Variants in GRIN3A observed in about 807,000 individuals in gnomAD.
The protein encoded by GRIN3A is glutamate ionotropic receptor NMDA type subunit 3A.
GRIN3A carries 47 observed loss-of-function variants against 92.4 expected under a neutral mutation model. That is an observed-to-expected ratio of 0.51 (90% CI 0.40 to 0.65). GRIN3A has a LOEUF of 0.65. Among genes scored for constraint, GRIN3A ranks in the 30% least tolerant of loss-of-function variants. GRIN3A has a pLI of 0.00. For missense variants in GRIN3A, 1,324 were observed against 1,393.1 expected (o/e 0.95, Z 0.79); for synonymous variants, 527 against 540.6 (o/e 0.97, Z 0.35).
In GRIN3A at chr9:101,735,163, T is replaced by A. The variant is rs201217290; in HGVS notation, c.699+2118A>T. Among the ~76,000 whole-genome samples, 5 of 47,552 alleles carry A rather than the reference T, an allele frequency of 1.1e-4. 1 individual carries two copies. Among genetic ancestry groups the A allele is most frequent in the South Asian group, 1.4e-3 (2 of 1,392 alleles). 31.2% of individuals were successfully genotyped at this position (47,552 alleles called of 152,430 possible). Reference sequence around the variant, plus strand: ...TGACATTTAAATGAGATACCAAAAGTAAGACAAATTAGATATGTTTGAATT... The same window carrying A: ...TGACATTTAAATGAGATACCAAAAGAAAGACAAATTAGATATGTTTGAATT... On this transcript the variant is annotated intron_variant, in intron 1 of 8. Coordinates refer to ENST00000361820, the MANE Select transcript of GRIN3A (RefSeq NM_133445.3).
chr9:101,573,566 GCTGTCTT>G (rs1827788790), intron 8 of GRIN3A, 53 bp from the exon 9 acceptor site: 1 of 1,391,336 alleles, frequency 7.2e-7, no homozygotes, highest in Admixed American at 1.7e-5. Flanking sequence ...CTCTCAAGGT[GCTGTCTT>G]CATCTGTTAG....
chr9:101,703,734 G>A (rs893722393), intron 1 of GRIN3A, among the ~76,000 whole-genome samples: 2 of 152,078 alleles, frequency 1.3e-5, no homozygotes, highest in South Asian at 2.1e-4. Flanking sequence ...GATTGATAAC[G>A]CATTTCTCAG....
intron 6 of GRIN3A, among the ~76,000 whole-genome samples, chr9:101,605,354 A>C (rs1261905325): frequency 1.3e-5 from 2 of 152,236 alleles, no homozygotes; most frequent in Admixed American, 6.5e-5. Flanking sequence ...GAAACATAAA[A>C]TATCTCAGTT....
At chr9:101,645,575 T>C (rs1243246482) in intron 3 of GRIN3A, among the ~76,000 whole-genome samples, 2 of 151,574 alleles carry the variant, frequency 1.3e-5, no homozygotes, top group Non-Finnish European at 3.0e-5. Flanking sequence ...GATCTACTCC[T>C]AGTTTTTTGA....
At chr9:101,661,494 T>C (rs1181700686) in intron 3 of GRIN3A, among the ~76,000 whole-genome samples, 2 of 151,870 alleles carry the variant, frequency 1.3e-5, no homozygotes, top group African/African-American at 4.8e-5. Flanking sequence ...TGGTTTTGTA[T>C]CCTGACTTTT....
intron 5 of GRIN3A, among the ~76,000 whole-genome samples, chr9:101,618,410 A>T (rs1828498494): frequency 6.6e-6 from 1 of 152,096 alleles, no homozygotes; most frequent in Admixed American, 6.5e-5. Context: ...ACTTCTGAAA[A>T]GAAGACATTT....
chr9:101,610,913 A>G (rs1319107155), intron 6 of GRIN3A, among the ~76,000 whole-genome samples: 2 of 152,028 alleles, frequency 1.3e-5, no homozygotes, highest in African/African-American at 2.4e-5. Context: ...CCTGGCTAAC[A>G]TGGTTAAACC....
intron 1 of GRIN3A, among the ~76,000 whole-genome samples, chr9:101,731,975 A>G (rs1830144065): frequency 6.6e-6 from 1 of 152,182 alleles, no homozygotes; most frequent in Admixed American, 6.5e-5. Context: ...AGTTTTATGG[A>G]TTTGGCATCA....
rs140897878 is a variant in GRIN3A at position 101,654,200 on chromosome 9, T to A, written c.2352+15860A>T. Among the ~76,000 whole-genome samples, 985 of 151,824 alleles carry A rather than the reference T, an allele frequency of 6.5e-3. 12 individuals carry two copies. Among genetic ancestry groups the A allele is most frequent in the African/African-American group, 0.022 (913 of 41,522 alleles). ...AGTCTTTGAATCTTAAGTTTTTTTT[T>A]CTTGTGACTGAAGAGGAGGCATTTT... is the stretch of plus-strand genomic sequence containing the variant. On this transcript the variant is annotated intron_variant, in intron 3 of 8. Transcript: ENST00000361820.
chr9:101,630,285 T>C (rs1279739928), intron 3 of GRIN3A, among the ~76,000 whole-genome samples: 1 of 152,204 alleles, frequency 6.6e-6, no homozygotes, highest in Non-Finnish European at 1.5e-5. Context: ...GTGAAGCCTT[T>C]GGTCTTGTCT....
intron 6 of GRIN3A, among the ~76,000 whole-genome samples, chr9:101,581,992 G>A (rs1441453032): frequency 2.6e-5 from 4 of 152,186 alleles, no homozygotes; most frequent in African/African-American, 9.7e-5. Context: ...CAACAAAGAA[G>A]TTCAATAACT....
chr9:101,619,412 A>G (rs996516366), intron 5 of GRIN3A, among the ~76,000 whole-genome samples: 4 of 152,176 alleles, frequency 2.6e-5, no homozygotes, highest in Non-Finnish European at 5.9e-5. Context: ...GAAGAATTTT[A>G]CAGTTAATTG....
At chr9:101,614,882 G>T (rs1828421974) in intron 5 of GRIN3A, among the ~76,000 whole-genome samples, 1 of 151,816 alleles carries the variant, frequency 6.6e-6, no homozygotes, top group Admixed American at 6.6e-5. Context: ...GCCTCTCAAA[G>T]TGATGGGATT....
At chr9:101,610,036 G>C (rs900518737) in intron 6 of GRIN3A, among the ~76,000 whole-genome samples, 3 of 152,154 alleles carry the variant, frequency 2.0e-5, no homozygotes, top group Non-Finnish European at 2.9e-5. Context: ...TGAAGATGTT[G>C]ACTTGAGTCA....
chr9:101,703,532 G>T (rs1387250473), intron 1 of GRIN3A, among the ~76,000 whole-genome samples: 1 of 152,072 alleles, frequency 6.6e-6, no homozygotes, highest in Non-Finnish European at 1.5e-5. Context: ...ATCTTACTTA[G>T]TTCTTCATGA....
intron 2 of GRIN3A, among the ~76,000 whole-genome samples, chr9:101,675,627 G>A (rs992817356): frequency 4.6e-5 from 7 of 150,978 alleles, no homozygotes; most frequent in East Asian, 1.9e-4. Context: ...TAGGTAATAC[G>A]TGTAGGATTT....
In GRIN3A at chr9:101,737,276, C is replaced by T; in HGVS notation, c.699+5G>A. ...TCTCCACTCCACGCACCAGGCTCCT[C>T]TCACCTGACTCTCCCGTGGAAACTC... On this transcript the variant is annotated splice_donor_5th_base_variant and intron_variant, in intron 1 of 8. Transcript: ENST00000361820. The T allele has an allele frequency of 1.2e-6, 2 of 1,613,742 alleles. No individual in the cohort carries two copies. The highest frequency in any genetic ancestry group is 1.1e-5 in the South Asian group (1 of 91,076).
At chr9:101,590,710 T>C (rs74637301) in intron 6 of GRIN3A, among the ~76,000 whole-genome samples, 21,691 of 152,110 alleles carry the variant, frequency 0.14, 1,705 homozygotes, top group East Asian at 0.21. Context: ...CCGAGCCTCC[T>C]CCTGTTCAAA....
At chr9:101,580,707 G>A (rs1275444006) in intron 6 of GRIN3A, among the ~76,000 whole-genome samples, 1 of 152,154 alleles carries the variant, frequency 6.6e-6, no homozygotes, top group African/African-American at 2.4e-5. Context: ...CTTACTTTCT[G>A]CCAAGTGTTT....
Sources: allele counts gnomAD v4.1 joint callset (sites outside exome capture counted in the v4.1 genomes callset), GRCh38; gene constraint gnomAD v4.1.1; transcripts MANE v1.5; gene names NCBI Gene and HGNC (gene_info 2026-07-23, HGNC 2026-07-21).